Variants in ACBD6 observed in about 807,000 individuals in gnomAD.
ACBD6 encodes the protein acyl-CoA-binding domain-containing protein 6.
ACBD6 carries 28 observed loss-of-function variants against 37.2 expected under a neutral mutation model. The observed-to-expected ratio is 0.75, with a 90% CI of 0.56 to 1.03. The LOEUF (loss-of-function observed/expected upper bound fraction) is 1.03, where lower values mean the gene tolerates loss of function less well. Among genes scored for constraint, ACBD6 ranks in the 50% least tolerant of loss-of-function variants. The pLI is 0.00. For synonymous variants in ACBD6, 113 were observed against 126.8 expected, an observed-to-expected ratio of 0.89 and a Z score of 0.73; for missense variants, 340 against 337.4, an observed-to-expected ratio of 1.01 and a Z score of -0.06.
chr1:180,287,912 AAGAAT>A (rs1163240398), downstream of ACBD6, among the ~76,000 whole-genome samples: 2 of 152,188 alleles, frequency 1.3e-5, no homozygotes, highest in African/African-American at 4.8e-5. Flanking sequence ...TGTCTGCCAA[AAGAAT>A]AGACATCTTA....
chr1:180,421,278 C>T (rs1437097343), intron 4 of ACBD6, among the ~76,000 whole-genome samples: 1 of 152,168 alleles, frequency 6.6e-6, no homozygotes, highest in Non-Finnish European at 1.5e-5. Context: ...TTGGTTTTCT[C>T]TTCCTGTGTT....
chr1:180,292,510 C>T (rs757945470), intron 7 of ACBD6, among the ~76,000 whole-genome samples: 11 of 151,710 alleles, frequency 7.3e-5, no homozygotes, highest in Non-Finnish European at 1.5e-4. Flanking sequence ...CTGGTGTTTT[C>T]GAATTTTAAT....
intron 6 of ACBD6, among the ~76,000 whole-genome samples, chr1:180,344,237 G>A (rs1447048473): frequency 6.6e-6 from 1 of 152,176 alleles, no homozygotes; most frequent in Non-Finnish European, 1.5e-5. Flanking sequence ...ACAGTAGCAG[G>A]CAGCAGAAAT....
intron 5 of ACBD6, among the ~76,000 whole-genome samples, chr1:180,404,895 A>G (rs1011401636): frequency 1.3e-5 from 2 of 152,120 alleles, no homozygotes; most frequent in Non-Finnish European, 2.9e-5. Context: ...TACTTTCACT[A>G]TTTTCTGATT....
intron 10 of ACBD6, chr1:180,274,241 G>A (rs1430849118): frequency 6.2e-7 from 1 of 1,614,194 alleles, no homozygotes; most frequent in Non-Finnish European, 8.5e-7. Flanking sequence ...CAACGTGGGG[G>A]ACGTTACAGG....
At chr1:180,386,465 T>C (rs1653848096) in intron 6 of ACBD6, among the ~76,000 whole-genome samples, 3 of 152,214 alleles carry the variant, frequency 2.0e-5, no homozygotes, top group Admixed American at 2.0e-4. Context: ...TTATGCCTTT[T>C]ATCAAATTTG....
chr1:180,464,226 A>C (rs898283498), intron 3 of ACBD6, among the ~76,000 whole-genome samples: 2 of 152,184 alleles, frequency 1.3e-5, no homozygotes, highest in Non-Finnish European at 2.9e-5. Context: ...AGGGCATTCA[A>C]ATAGTATGAG....
At chr1:180,435,498 G>A (rs1421352446) in intron 3 of ACBD6, 8 of 563,708 alleles carry the variant, frequency 1.4e-5, no homozygotes, top group African/African-American at 3.8e-5. Context: ...TGATCCGCCC[G>A]CCTTGGCCTC....
chr1:180,366,885 C>A (rs1449525079), intron 6 of ACBD6, among the ~76,000 whole-genome samples: 1 of 152,136 alleles, frequency 6.6e-6, no homozygotes, highest in Non-Finnish European at 1.5e-5. Context: ...GTATGATAAA[C>A]TATGACGGCA....
At chr1:180,472,721 A>G (rs1650616179) in intron 3 of ACBD6, among the ~76,000 whole-genome samples, 1 of 152,242 alleles carries the variant, frequency 6.6e-6, no homozygotes, top group Admixed American at 6.5e-5. Context: ...CAGGAAAAAC[A>G]CATTCTAAAG....
chr1:180,380,645 C>A (rs1653606824), intron 6 of ACBD6, among the ~76,000 whole-genome samples: 1 of 151,692 alleles, frequency 6.6e-6, no homozygotes, highest in African/African-American at 2.4e-5. Context: ...AGTCCTACAC[C>A]CAGAAGTGAA....
At chr1:180,482,998 G>C (rs1358914057) in intron 3 of ACBD6, among the ~76,000 whole-genome samples, 1 of 152,106 alleles carries the variant, frequency 6.6e-6, no homozygotes, top group African/African-American at 2.4e-5. Flanking sequence ...GAATACCTAA[G>C]TCTTTTTACA....
intron 6 of ACBD6, among the ~76,000 whole-genome samples, chr1:180,317,190 C>T (rs887692986): frequency 4.6e-5 from 7 of 152,152 alleles, no homozygotes; most frequent in East Asian, 3.8e-4. Context: ...CCTATAAATA[C>T]GTACAATTAT....
chr1:180,458,231 A>G (rs1240704038), intron 3 of ACBD6, among the ~76,000 whole-genome samples: 1 of 152,270 alleles, frequency 6.6e-6, no homozygotes, highest in East Asian at 1.9e-4. Flanking sequence ...AAAAATATAC[A>G]TAATTGTTAG....
chr1:180,334,162 G>C (rs1651603471), intron 6 of ACBD6, among the ~76,000 whole-genome samples: 1 of 152,216 alleles, frequency 6.6e-6, no homozygotes, highest in South Asian at 2.1e-4. Flanking sequence ...GCTTTGAAGA[G>C]AGTAGTGGTT....
intron 6 of ACBD6, among the ~76,000 whole-genome samples, chr1:180,347,788 G>A (rs1468409149): frequency 6.6e-6 from 1 of 151,986 alleles, no homozygotes; most frequent in Non-Finnish European, 1.5e-5. Context: ...TGGCTAACAC[G>A]GTGAAACCCC....
At chr1:180,314,640 A>T in intron 7 of ACBD6, 52 bp downstream of exon 7, 1 of 1,406,838 alleles carries the variant, frequency 7.1e-7, no homozygotes, top group Non-Finnish European at 1.0e-6. Context: ...TGAAATAAAC[A>T]AATAGAGAAT....
chr1:180,470,997 T>C (rs1461032377), intron 3 of ACBD6, among the ~76,000 whole-genome samples: 14 of 152,246 alleles, frequency 9.2e-5, no homozygotes, highest in Non-Finnish European at 1.5e-5. Context: ...GAACTTTTTG[T>C]ATTAACCTGT....
intron 3 of ACBD6, among the ~76,000 whole-genome samples, chr1:180,474,636 G>A (rs1416143080): frequency 6.6e-6 from 1 of 152,148 alleles, no homozygotes; most frequent in East Asian, 1.9e-4. Flanking sequence ...CTACAAGACT[G>A]TTAAAAGGAC....
Sources: allele counts gnomAD v4.1 joint callset (sites outside exome capture counted in the v4.1 genomes callset), GRCh38; gene constraint gnomAD v4.1.1; transcripts MANE v1.5; gene names NCBI Gene and HGNC (gene_info 2026-07-23, HGNC 2026-07-21).